LMO3: variants seen among roughly 807,000 people sequenced by gnomAD.
The protein encoded by LMO3 is LIM domain only 3, also known as LIM domain only protein 3.
A neutral mutation model predicts 15.8 loss-of-function variants in LMO3; 2 were observed. That is an observed-to-expected ratio of 0.13 (90% confidence interval 0.05 to 0.40). The LOEUF is 0.40. Ranked by LOEUF, LMO3 falls within the 10% of genes least tolerant of loss-of-function variation. The probability of loss-of-function intolerance (pLI) is 0.99; values close to 1 mark genes in which losing one functional copy is unlikely to be tolerated. For missense variants in LMO3, 86 were observed against 182.2 expected, an observed-to-expected ratio of 0.47 and a Z score of 3.04; for synonymous variants, 62 against 63.8, an observed-to-expected ratio of 0.97 and a Z score of 0.13.
rs1206222555 is a variant in LMO3 at position 16,599,119 on chromosome 12, CAGAAG to C, written c.206+1531_206+1535del. The C allele has an allele frequency of 5.2e-5, 8 of 152,650 alleles. No individual in the cohort carries two copies. The highest frequency in any genetic ancestry group is 1.9e-4 in the African/African-American group (8 of 41,426). 9.5% of individuals were successfully genotyped at this position (152,650 alleles called of 1,614,324 possible). On this transcript the variant is annotated intron_variant, in intron 2 of 3. Transcript: ENST00000537304. The surrounding 1 kb of genome is among the most constrained non-coding windows in gnomAD (Gnocchi z 4.1). ...AAATGAGGCTCTAATTCACAATGGG[CAGAAG>C]AGAAATTTTTATTTCAAAGAGGAAA...
At position 16,593,243 on chromosome 12, in the gene LMO3, C is replaced by T. The variant is rs1943548256; in HGVS notation, c.206+7412G>A. Among the ~76,000 whole-genome samples the T allele has an allele frequency of 6.6e-6, 1 of 151,830 alleles. No individual in the cohort carries two copies. The highest frequency in any genetic ancestry group is 2.1e-4 in the South Asian group (1 of 4,830). On this transcript the variant is annotated intron_variant, in intron 2 of 3. Transcript: ENST00000537304. This position sits in a 1 kb window ranked among gnomAD's most constrained non-coding sequence, Gnocchi z 4.2. Reference sequence around the variant, plus strand: ...TTAAATATTGCTTTGGTGTGCTCTTCTGCAAATACTCTTTCAATTCCTAAG... The same window carrying T: ...TTAAATATTGCTTTGGTGTGCTCTTTTGCAAATACTCTTTCAATTCCTAAG...
chr12:16,566,256 G>A (rs979979050), intron 2 of LMO3, among the ~76,000 whole-genome samples: 2 of 151,440 alleles, frequency 1.3e-5, no homozygotes, highest in East Asian at 3.9e-4. Context: ...GGAGCAGAGA[G>A]GGAAGGAGGA....
Position 16,555,003 on chromosome 12 carries a change from CT to C in LMO3, c.333-3677del, listed in dbSNP as rs1942142601. Among the ~76,000 whole-genome samples the C allele has an allele frequency of 6.6e-6, 1 of 152,290 alleles. No individual in the cohort carries two copies. The highest frequency in any genetic ancestry group is 2.1e-4 in the South Asian group (1 of 4,830). Reference sequence around the variant, plus strand: ...TCTACCACTTTCTTCTAACTGTAATCTTGGGCAAGTTACTTACATTTCCTAT... The same window carrying C: ...TCTACCACTTTCTTCTAACTGTAATCTGGGCAAGTTACTTACATTTCCTAT... On this transcript the variant is annotated intron_variant, in intron 3 of 3. Coordinates refer to ENST00000537304, the MANE Select transcript of LMO3 (RefSeq NM_018640.5). The surrounding 1 kb of genome is among the most constrained non-coding windows in gnomAD (Gnocchi z 5.5).
At chr12:16,556,322 C>A (rs897310713) in intron 3 of LMO3, among the ~76,000 whole-genome samples, 1 of 152,024 alleles carries the variant, frequency 6.6e-6, no homozygotes, top group East Asian at 1.9e-4. Flanking sequence ...CTTAAATAAC[C>A]CTCCTGCGGT....
rs1411291894 is a variant in LMO3 at position 16,598,923 on chromosome 12, T to C, written c.206+1732A>G. 3.1e-6 allele frequency: 1 copy of C among 326,194 alleles called. No homozygotes were observed. The highest frequency in any genetic ancestry group is 6.1e-6 in the Non-Finnish European group (1 of 162,914). 20.2% of individuals were successfully genotyped at this position (326,194 alleles called of 1,614,324 possible). A position where few individuals can be genotyped will look rare whatever the true frequency, so the allele number is the denominator to read the frequency against. The stretch of plus-strand genomic sequence containing the variant: ...AAACACCTTAACATTGCCCGGGCTA[T>C]ATAAACTCCTTATTTGAAATGGTAA... On this transcript the variant is annotated intron_variant, in intron 2 of 3. Coordinates refer to ENST00000537304, the MANE Select transcript of LMO3 (RefSeq NM_018640.5). This position sits in a 1 kb window ranked among gnomAD's most constrained non-coding sequence, Gnocchi z 4.3.
chr12:16,605,889 T>A (rs955833052), intron 1 of LMO3, 177 bp downstream of exon 1: 8 of 1,451,480 alleles, frequency 5.5e-6, no homozygotes, highest in Middle Eastern at 1.7e-4. Flanking sequence ...ACCGTCTCAG[T>A]AGAGCTGCAG....
intron 2 of LMO3, among the ~76,000 whole-genome samples, chr12:16,581,414 A>C (rs952119396): frequency 2.0e-5 from 3 of 152,196 alleles, no homozygotes; most frequent in Non-Finnish European, 4.4e-5. Flanking sequence ...TTACATCTGT[A>C]CAGCACTTAG....
intron 2 of LMO3, chr12:16,573,713 T>G (rs572217920): frequency 6.6e-6 from 1 of 152,312 alleles, no homozygotes; most frequent in South Asian, 2.1e-4. Context: ...TTTCTCACCC[T>G]AATGACCCCT....
Position 16,560,617 on chromosome 12 carries a change from T to G in LMO3, c.207-79A>C. 1 of 1,270,296 alleles carries G rather than the reference T, an allele frequency of 7.9e-7. No individual in the cohort carries two copies. Among genetic ancestry groups the G allele is most frequent in the Non-Finnish European group, 1.1e-6 (1 of 895,546 alleles). 78.7% of individuals were successfully genotyped at this position (1,270,296 alleles called of 1,614,324 possible). ...ATCGTGAAGAGAGATGATGTTAATA[T>G]ACTCTGTAAAGCTACAATACACAAT... On this transcript the variant is annotated intron_variant, in intron 2 of 3. Transcript: ENST00000537304. This position sits in a 1 kb window ranked among gnomAD's most constrained non-coding sequence, Gnocchi z 5.0.
intron 3 of LMO3, among the ~76,000 whole-genome samples, chr12:16,553,912 A>ACTGTAAGTATATTAACAGGCTACAATT (rs1942086130): frequency 6.6e-6 from 1 of 151,986 alleles, no homozygotes; most frequent in African/African-American, 2.4e-5. Flanking sequence ...GCCAGAGGAT[A>ACTGTAAGTATATTAACAGGCTACAATT]CTGTAAGTAT....
rs991747815 is a variant in LMO3, at chr12:16,603,580, A to G, written c.-9+2486T>C. Among the ~76,000 whole-genome samples the G allele has an allele frequency of 6.6e-6, 1 of 152,148 alleles. No homozygotes were observed. Among genetic ancestry groups the G allele is most frequent in the Non-Finnish European group, 1.5e-5 (1 of 68,030 alleles). On this transcript the variant is annotated intron_variant, in intron 1 of 3. Transcript: ENST00000537304. This position sits in a 1 kb window ranked among gnomAD's most constrained non-coding sequence, Gnocchi z 4.9. ...TTGCCTCTGAGACCCTGCCATTCTG[A>G]GTTATTTGACAGTTTAAGGGAAATC...
intron 2 of LMO3, chr12:16,573,710 C>T (rs1942900735): frequency 6.6e-6 from 1 of 152,214 alleles, no homozygotes; most frequent in Non-Finnish European, 1.5e-5. Context: ...AGTTTTCTCA[C>T]CCTAATGACC....
chr12:16,559,533 CT>C lies in LMO3; in HGVS notation c.332+879del, dbSNP rs1456560067. On this transcript the variant is annotated intron_variant, in intron 3 of 3. Transcript: ENST00000537304. The surrounding 1 kb of genome is among the most constrained non-coding windows in gnomAD (Gnocchi z 4.1). ...AGGTTTCCAGGTTCCCTGTTCAACA[CT>C]TTTTCAAATGCTCCTCTCCAATGAT... Among the ~76,000 whole-genome samples, 1 of 152,148 alleles carries C rather than the reference CT, an allele frequency of 6.6e-6. No individual in the cohort carries two copies. Among genetic ancestry groups the C allele is most frequent in the Non-Finnish European group, 1.5e-5 (1 of 68,030 alleles).
At chr12:16,563,336 T>G (rs965639424) in intron 2 of LMO3, among the ~76,000 whole-genome samples, 2 of 152,202 alleles carry the variant, frequency 1.3e-5, no homozygotes, top group African/African-American at 4.8e-5. Flanking sequence ...AAACCCAGGA[T>G]TCTCTGGGAA....
At chr12:16,561,034 G>T (rs771691892) in intron 2 of LMO3, among the ~76,000 whole-genome samples, 2 of 151,990 alleles carry the variant, frequency 1.3e-5, no homozygotes. Context: ...ACATAGAGGC[G>T]CATGCATGCA....
chr12:16,556,907 T>C (rs1468684512), intron 3 of LMO3, among the ~76,000 whole-genome samples: 1 of 152,182 alleles, frequency 6.6e-6, no homozygotes, highest in Non-Finnish European at 1.5e-5. Context: ...CATTATGGCA[T>C]GTAATAAATG....
At position 16,576,091 on chromosome 12, in the gene LMO3, C is replaced by G. The variant is rs1296555205; in HGVS notation, c.207-15553G>C. 6.6e-6 allele frequency among the ~76,000 whole-genome samples: 1 copy of G among 152,182 alleles called. No individual in the cohort carries two copies. The highest frequency in any genetic ancestry group is 1.5e-5 in the Non-Finnish European group (1 of 68,032). ...GCTACTTCTAGCGCGCATCGCTTCT[C>G]CCTTGCACTCATACTACAACCTCCC... On this transcript the variant is annotated intron_variant, in intron 2 of 3. Coordinates refer to ENST00000537304, the MANE Select transcript of LMO3 (RefSeq NM_018640.5). This position sits in a 1 kb window ranked among gnomAD's most constrained non-coding sequence, Gnocchi z 4.1.
intron 2 of LMO3, among the ~76,000 whole-genome samples, chr12:16,563,206 G>A (rs1406532112): frequency 1.3e-5 from 2 of 152,064 alleles, no homozygotes; most frequent in African/African-American, 2.4e-5. Context: ...GTGGAGATGC[G>A]GAAATCTGAT....
chr12:16,570,887 TTAA>T (rs1486754407), intron 2 of LMO3, among the ~76,000 whole-genome samples: 1 of 152,156 alleles, frequency 6.6e-6, no homozygotes, highest in African/African-American at 2.4e-5. Context: ...TCTTCTAGGG[TTAA>T]TTATTATTAC....
Sources: gnomAD v4.1 joint callset for allele counts (sites outside exome capture counted in the v4.1 genomes callset) on GRCh38, gnomAD v4.1.1 for gene constraint, Gnocchi (gnomAD v3.1) non-coding constraint, MANE v1.5 for transcripts, NCBI Gene and HGNC (gene_info 2026-07-23, HGNC 2026-07-21) for gene names.